The following ZNF558 variants were observed in gnomAD, a reference collection of about 807,000 sequenced individuals.
ZNF558 encodes zinc finger protein 558.
A neutral mutation model predicts 37.6 loss-of-function variants in ZNF558; 23 were observed. That is an observed-to-expected ratio of 0.61 (90% CI 0.44 to 0.87). ZNF558 has a LOEUF of 0.87. Ranked by LOEUF, ZNF558 falls within the 40% of genes least tolerant of loss-of-function variation. The pLI is 0.00. For missense variants in ZNF558, 429 were observed against 483.7 expected (o/e 0.89, Z 1.06); for synonymous variants, 189 against 174.4 (o/e 1.08, Z -0.66).
intron 9 of ZNF558, 58 bp from the exon 10 acceptor site, chr19:8,812,121 T>C: frequency 7.3e-7 from 1 of 1,363,014 alleles, no homozygotes; most frequent in South Asian, 1.7e-5. Flanking sequence ...TACTTAATGT[T>C]CTCCTAGGAA....
In ZNF558 at chr19:8,811,171, T is replaced by A. The variant is rs1259917313; in HGVS notation, c.*110A>T. On this transcript the variant is annotated 3_prime_UTR_variant, in exon 10 of 10. Coordinates refer to ENST00000601372, the MANE Select transcript of ZNF558 (RefSeq NM_144693.3). Reference sequence around the variant, plus strand: ...TTTGAAGCCACAAAATTTGCGGGGATCATTTGTTATGCTGCAACAAATAAC... The same window carrying A: ...TTTGAAGCCACAAAATTTGCGGGGAACATTTGTTATGCTGCAACAAATAAC... 8.2e-7 allele frequency: 1 copy of A among 1,225,328 alleles called. No individual in the cohort carries two copies. The allele number at this position is 1,225,328 out of a possible 1,614,324, so 75.9% of individuals were successfully genotyped here.
chr19:8,821,229 T>C lies in ZNF558; in HGVS notation c.198A>G (p.Thr66=), dbSNP rs767174048. The change falls in exon 7 of 10, where the codon ACA becomes ACG. Residue 66 remains threonine, a synonymous_variant. Transcript: ENST00000601372. ...EWALLDPAQR[T]LYRDVMLENC... ...TCTCCAGCATCACATCCCTGTACAG[T>C]GTCCTTTGGGCAGGGTCCAGCAACG... 2.5e-6 allele frequency: 4 copies of C among 1,614,164 alleles called. No individual in the cohort carries two copies. In the South Asian group the frequency reaches 4.4e-5, roughly 18 times the overall value.
chr19:8,822,983 C>T lies in ZNF558; in HGVS notation c.-65-259G>A. ...ACCTCGGCTTCACGCAGTCTCACGG[C>T]ATGTTCTTCCCATCCAAGCGCACCA... On this transcript the variant is annotated intron_variant, in intron 4 of 9. Transcript: ENST00000601372. The surrounding 1 kb of genome is among the most constrained non-coding windows in gnomAD (Gnocchi z 4.4). The T allele has an allele frequency of 2.7e-6, 1 of 374,406 alleles. No homozygotes were observed. The highest frequency in any genetic ancestry group is 5.1e-6 in the Non-Finnish European group (1 of 196,816). The allele number at this position is 374,406 out of a possible 1,614,324, so 23.2% of individuals were successfully genotyped here. A position where few individuals can be genotyped will look rare whatever the true frequency, so the allele number is the denominator to read the frequency against.
chr19:8,812,693 A>G (rs2043825898), intron 8 of ZNF558, 50 bp from the exon 9 acceptor site: 5 of 1,259,964 alleles, frequency 4.0e-6, no homozygotes, highest in Non-Finnish European at 5.6e-6. Context: ...AGAAATGGAA[A>G]AGTGTACACA....
intron 2 of ZNF558, among the ~76,000 whole-genome samples, chr19:8,827,087 C>T (rs367643165): frequency 3.3e-5 from 5 of 151,420 alleles, no homozygotes; most frequent in African/African-American, 1.2e-4. Flanking sequence ...GCCCCAAGTC[C>T]CTATTCAAGG....
chr19:8,827,430 C>T (rs2044256128), intron 2 of ZNF558, among the ~76,000 whole-genome samples: 3 of 152,086 alleles, frequency 2.0e-5, no homozygotes, highest in African/African-American at 4.8e-5. Context: ...TGCATGCTTA[C>T]ACTACATGCA....
rs1045724873 is a variant in ZNF558 at position 8,807,864 on chromosome 19, A to G, written c.*3417T>C. 2.6e-5 allele frequency: 4 copies of G among 152,266 alleles called. No homozygotes were observed. Among genetic ancestry groups the G allele is most frequent in the African/African-American group, 9.6e-5 (4 of 41,550 alleles). The allele number at this position is 152,266 out of a possible 1,614,324, so 9.4% of individuals were successfully genotyped here. A position where few individuals can be genotyped will look rare whatever the true frequency, so the allele number is the denominator to read the frequency against. Reference sequence around the variant, plus strand: ...CTGGCACACAGAACATACTCCGTTAATAGGGTAGTGGTTAAGTGCATGGAC... The same window carrying G: ...CTGGCACACAGAACATACTCCGTTAGTAGGGTAGTGGTTAAGTGCATGGAC... On this transcript the variant is annotated 3_prime_UTR_variant, in exon 10 of 10. Transcript: ENST00000601372.
Position 8,828,254 on chromosome 19 carries a change from T to C in ZNF558, c.-509+3064A>G, listed in dbSNP as rs76783253. 5.8e-3 allele frequency among the ~76,000 whole-genome samples: 884 copies of C among 152,330 alleles called. 8 individuals are homozygous for C. The highest frequency in any genetic ancestry group is 0.025 in the Admixed American group (387 of 15,302). ...AAGTTAAGGCTCCAGAGATGTTCGC[T>C]TTCCCCATGGAAACTAAAGATAACA... On this transcript the variant is annotated intron_variant, in intron 2 of 9. Coordinates refer to ENST00000601372, the MANE Select transcript of ZNF558 (RefSeq NM_144693.3).
rs964309009 is a variant in ZNF558, at chr19:8,809,348, G to T, written c.*1933C>A. On this transcript the variant is annotated 3_prime_UTR_variant, in exon 10 of 10. Coordinates refer to ENST00000601372, the MANE Select transcript of ZNF558 (RefSeq NM_144693.3). ...CTTCGACTTACTTCTCATTGCCAGG[G>T]GAGTGCGAAAAAACCCGCCTGGGCT... is the stretch of plus-strand genomic sequence containing the variant. 1 of 152,132 alleles carries T rather than the reference G, an allele frequency of 6.6e-6. No individual in the cohort carries two copies. Among genetic ancestry groups the T allele is most frequent in the Admixed American group, 6.6e-5 (1 of 15,264 alleles). 9.4% of individuals were successfully genotyped at this position (152,132 alleles called of 1,614,324 possible).
intron 7 of ZNF558, among the ~76,000 whole-genome samples, chr19:8,819,848 T>C (rs1403140990): frequency 2.0e-5 from 3 of 152,006 alleles, no homozygotes; most frequent in Non-Finnish European, 4.4e-5. Flanking sequence ...GGCTGAGGTA[T>C]GAGAATCACT....
intron 9 of ZNF558, 66 bp from the exon 10 acceptor site, chr19:8,812,129 G>A: frequency 7.6e-7 from 1 of 1,320,182 alleles, no homozygotes; most frequent in Non-Finnish European, 1.0e-6. Flanking sequence ...GTTCTCCTAG[G>A]AATCTTCTCT....
rs1385234261 is a variant in ZNF558 at position 8,808,571 on chromosome 19, C to T, written c.*2710G>A. On this transcript the variant is annotated 3_prime_UTR_variant, in exon 10 of 10. Transcript: ENST00000601372. ...AACATACGTACTGTACTTGGAAATA[C>T]AATTAAGTTGCATTAATGTTCATAT... 1.3e-5 allele frequency: 2 copies of T among 152,108 alleles called. No individual in the cohort carries two copies. Among genetic ancestry groups the T allele is most frequent in the South Asian group, 2.1e-4 (1 of 4,834 alleles). The allele number at this position is 152,108 out of a possible 1,614,324, so 9.4% of individuals were successfully genotyped here.
In ZNF558 at chr19:8,822,141, C is replaced by A. The variant is rs919562263; in HGVS notation, c.32-50G>T. The A allele has an allele frequency of 1.9e-6, 3 of 1,609,554 alleles. No homozygotes were observed. Among genetic ancestry groups the A allele is most frequent in the Non-Finnish European group, 2.5e-6 (3 of 1,177,198 alleles). ...TGGATTCAGGCTTGTCTGACACCCA[C>A]AGATCTGCCCCTGATTGACCACACC... On this transcript the variant is annotated intron_variant, in intron 5 of 9. Coordinates refer to ENST00000601372, the MANE Select transcript of ZNF558 (RefSeq NM_144693.3). This position sits in a 1 kb window ranked among gnomAD's most constrained non-coding sequence, Gnocchi z 4.4.
In ZNF558 at chr19:8,809,509, TAG is replaced by T. The variant is rs1300057101; in HGVS notation, c.*1770_*1771del. The T allele has an allele frequency of 6.6e-6, 1 of 152,156 alleles. No individual in the cohort carries two copies. The highest frequency in any genetic ancestry group is 1.5e-5 in the Non-Finnish European group (1 of 68,026). 9.4% of individuals were successfully genotyped at this position (152,156 alleles called of 1,614,324 possible). A position where few individuals can be genotyped will look rare whatever the true frequency, so the allele number is the denominator to read the frequency against. On this transcript the variant is annotated 3_prime_UTR_variant, in exon 10 of 10. Coordinates refer to ENST00000601372, the MANE Select transcript of ZNF558 (RefSeq NM_144693.3). ...ACCAACAGTATTTGGCATACCAAGA[TAG>T]AGAGAAAATAATCAGTATCATAAAG...
At chr19:8,815,828 T>C (rs1018025064) in intron 7 of ZNF558, among the ~76,000 whole-genome samples, 5 of 150,802 alleles carry the variant, frequency 3.3e-5, no homozygotes, top group African/African-American at 1.2e-4. Flanking sequence ...AGAATGTGAG[T>C]TTTAAAAAAG....
chr19:8,828,269 T>C (rs1009903967), intron 2 of ZNF558, among the ~76,000 whole-genome samples: 1 of 152,204 alleles, frequency 6.6e-6, no homozygotes, highest in African/African-American at 2.4e-5. Context: ...CCATGGAAAC[T>C]AAAGATAACA....
rs2044112853 is a variant in ZNF558, at chr19:8,822,240, T to A, written c.32-149A>T. 6 of 933,730 alleles carry A rather than the reference T, an allele frequency of 6.4e-6. No homozygotes were observed. Among genetic ancestry groups the A allele is most frequent in the Non-Finnish European group, 9.6e-6 (6 of 627,794 alleles). The allele number at this position is 933,730 out of a possible 1,614,324, so 57.8% of individuals were successfully genotyped here. A position where few individuals can be genotyped will look rare whatever the true frequency, so the allele number is the denominator to read the frequency against. On this transcript the variant is annotated intron_variant, in intron 5 of 9. Transcript: ENST00000601372. This position sits in a 1 kb window ranked among gnomAD's most constrained non-coding sequence, Gnocchi z 4.4. Reference sequence around the variant, plus strand: ...CTCCATGCAAACACCTACCCACAGCTCTCCTAAGATACCCAAACACAGCCC... The same window carrying A: ...CTCCATGCAAACACCTACCCACAGCACTCCTAAGATACCCAAACACAGCCC...
upstream of ZNF558, chr19:8,833,684 T>G (rs2044415656): frequency 6.6e-6 from 1 of 152,240 alleles, no homozygotes; most frequent in Admixed American, 6.6e-5. Flanking sequence ...GGTGGGTTGG[T>G]GCGTTAGATA....
intron 6 of ZNF558, 196 bp downstream of exon 6, chr19:8,821,807 G>A (rs1317625632): frequency 5.7e-6 from 8 of 1,413,452 alleles, no homozygotes; most frequent in African/African-American, 1.4e-5. Flanking sequence ...GGACCCTGGA[G>A]GGAGCTCTGA....
Sources: gnomAD v4.1 joint callset for allele counts (sites outside exome capture counted in the v4.1 genomes callset) on GRCh38, gnomAD v4.1.1 for gene constraint, Gnocchi (gnomAD v3.1) non-coding constraint, MANE v1.5 for transcripts, NCBI Gene and HGNC (gene_info 2026-07-23, HGNC 2026-07-21) for gene names.